The following ZNF404 variants were observed in gnomAD, a reference collection of about 807,000 sequenced individuals.
ZNF404 encodes zinc finger protein 404.
A neutral mutation model predicts 7.3 loss-of-function variants in ZNF404; 7 were observed. The observed-to-expected ratio is 0.95, with a 90% CI of 0.54 to 1.79. The LOEUF is 1.79. Among genes scored for constraint, ZNF404 ranks in the 40% most tolerant of loss-of-function variants. ZNF404 has a pLI of 0.00. For synonymous variants in ZNF404, 191 were observed against 209.9 expected (o/e 0.91, Z 0.78); for missense variants, 560 against 661.5 (o/e 0.85, Z 1.68).
In ZNF404 at chr19:43,872,808, C is replaced by T. The variant is rs1487572313; in HGVS notation, c.1406G>A (p.Cys469Tyr). ...TIHTGLKPYV[C>Y]KECKKAFRSI... ...ACGAAAGGCCTTCTTACATTCTTTA[C>T]ATACATAGGGTTTCAAACCAGTATG... The change falls in exon 3 of 3, where the codon TGT becomes TAT. Residue 469 changes from cysteine (C) to tyrosine (Y), a missense_variant. Physicochemically the swap from Cys to Tyr is radical, Grantham distance 194. Coordinates refer to ENST00000587539, the MANE Select transcript of ZNF404 (RefSeq NM_001033719.3). The surrounding 1 kb of genome is among the most constrained non-coding windows in gnomAD (Gnocchi z 4.4). 3 of 1,610,466 alleles carry T rather than the reference C, an allele frequency of 1.9e-6. No homozygotes were observed. The highest frequency in any genetic ancestry group is 1.1e-5 in the South Asian group (1 of 90,742).
In ZNF404 at chr19:43,872,647, G is replaced by T; in HGVS notation, c.1567C>A (p.Gln523Lys). ...GCCTTACCACATTCTTTGCATTTCT[G>T]TGGTTTCACACCAGTATGAATTGTC... Reference protein sequence around the residue: ...HETIHTGVKPQKCKECGKAFS... With the variant: ...HETIHTGVKPKKCKECGKAFS... Residue 523 changes from glutamine to lysine, a missense_variant, in exon 3 of 3, where the codon CAG (glutamine) becomes AAG (lysine). Transcript: ENST00000587539. This position sits in a 1 kb window ranked among gnomAD's most constrained non-coding sequence, Gnocchi z 4.4. 1 of 1,612,870 alleles carries T rather than the reference G, an allele frequency of 6.2e-7. No homozygotes were observed. Among genetic ancestry groups the T allele is most frequent in the Non-Finnish European group, 8.5e-7 (1 of 1,179,400 alleles).
rs756208693 is a variant in ZNF404, at chr19:43,883,949, A to T, written c.9+7T>A. ...AAGTCAGAAAAGCAAAAGAGACATC[A>T]ACTCACCCGGGCCATGGTTTCAGAA... is the stretch of plus-strand genomic sequence containing the variant. On this transcript the variant is annotated splice_region_variant and intron_variant, in intron 1 of 2. Coordinates refer to ENST00000587539, the MANE Select transcript of ZNF404 (RefSeq NM_001033719.3). 1 of 1,599,308 alleles carries T rather than the reference A, an allele frequency of 6.3e-7. No individual in the cohort carries two copies. The highest frequency in any genetic ancestry group is 2.2e-5 in the East Asian group (1 of 44,848).
chr19:43,876,724 T>G (rs1971852259), intron 2 of ZNF404, among the ~76,000 whole-genome samples: 1 of 152,184 alleles, frequency 6.6e-6, no homozygotes, highest in Admixed American at 6.5e-5. Flanking sequence ...TTAAACAAAT[T>G]TATAAGGTTA....
intron 2 of ZNF404, among the ~76,000 whole-genome samples, chr19:43,875,886 G>T (rs1326259039): frequency 6.6e-6 from 1 of 152,092 alleles, no homozygotes; most frequent in African/African-American, 2.4e-5. Flanking sequence ...AGAATTTCTT[G>T]AAGACAGTGA....
At chr19:43,877,779 T>G (rs1971861415) in intron 2 of ZNF404, among the ~76,000 whole-genome samples, 1 of 138,610 alleles carries the variant, frequency 7.2e-6, no homozygotes, top group Non-Finnish European at 1.5e-5. Context: ...TTCCCCTTCC[T>G]GTGTCCATGT....
intron 2 of ZNF404, among the ~76,000 whole-genome samples, 166 bp from the exon 3 acceptor site, chr19:43,874,243 G>T (rs564516267): frequency 1.3e-5 from 2 of 152,122 alleles, no homozygotes; most frequent in African/African-American, 2.4e-5. Flanking sequence ...GGCAAGAAGG[G>T]CTCAGAAAAT....
intron 2 of ZNF404, among the ~76,000 whole-genome samples, chr19:43,876,766 G>GATT (rs1159766192): frequency 1.3e-5 from 2 of 152,186 alleles, no homozygotes; most frequent in African/African-American, 4.8e-5. Context: ...CTGATATCAT[G>GATT]TATTTCTGAT....
In ZNF404 at chr19:43,872,499, GCAT is replaced by G. The variant is rs1160739998; in HGVS notation, c.*53_*55del. The G allele has an allele frequency of 7.4e-7, 1 of 1,342,898 alleles. No homozygotes were observed. Among genetic ancestry groups the G allele is most frequent in the Admixed American group, 2.7e-5 (1 of 37,092 alleles). 83.2% of individuals were successfully genotyped at this position (1,342,898 alleles called of 1,614,324 possible). ...ATTAACTAGTTTAATCTTCACTATA[GCAT>G]CATAATAGTGACAACAGTAAAAATG... On this transcript the variant is annotated 3_prime_UTR_variant, in exon 3 of 3. Coordinates refer to ENST00000587539, the MANE Select transcript of ZNF404 (RefSeq NM_001033719.3). This position sits in a 1 kb window ranked among gnomAD's most constrained non-coding sequence, Gnocchi z 4.4.
intron 1 of ZNF404, among the ~76,000 whole-genome samples, chr19:43,881,194 T>C (rs955199607): frequency 6.6e-6 from 1 of 152,212 alleles, no homozygotes; most frequent in African/African-American, 2.4e-5. Flanking sequence ...ATATCTACTC[T>C]CACCACTTCT....
Position 43,873,546 on chromosome 19 carries a change from G to T in ZNF404, c.668C>A (p.Ala223Asp), listed in dbSNP as rs749171632. Residue 223 changes from alanine (A) to aspartate (D), a missense_variant, in exon 3 of 3, where the codon GCT becomes GAT. Physicochemically the swap from Ala to Asp is moderately radical, Grantham distance 126 (BLOSUM62 -2). Transcript: ENST00000587539. Reference sequence around the variant, plus strand: ...TGTAAGGTGAGAATGACGTCTAAAAGCCTTCCCGCATTGCTTACATTCATA... The same window carrying T: ...TGTAAGGTGAGAATGACGTCTAAAATCCTTCCCGCATTGCTTACATTCATA... ...KPYECKQCGK[A>D]FRRHSHLTEH... 19 of 1,613,336 alleles carry T rather than the reference G, an allele frequency of 1.2e-5. No homozygotes were observed. The East Asian group carries it at 4.2e-4, about 36-fold the overall frequency.
intron 2 of ZNF404, among the ~76,000 whole-genome samples, chr19:43,878,908 TAAA>T (rs1350096152): frequency 1.8e-4 from 27 of 152,200 alleles, no homozygotes; most frequent in Non-Finnish European, 1.5e-5. Context: ...GAGGAAAACA[TAAA>T]TACCCTCTGG....
At chr19:43,876,561 T>C (rs1345763116) in intron 2 of ZNF404, among the ~76,000 whole-genome samples, 1 of 152,132 alleles carries the variant, frequency 6.6e-6, no homozygotes, top group Non-Finnish European at 1.5e-5. Context: ...ACTGTGCTAA[T>C]ATATTTCAAA....
At chr19:43,881,839 C>T (rs1304521033) in intron 1 of ZNF404, 3 of 152,096 alleles carry the variant, frequency 2.0e-5, no homozygotes, top group South Asian at 4.2e-4. Flanking sequence ...TGCCTGTAAT[C>T]CCAGCTTCTC....
intron 2 of ZNF404, among the ~76,000 whole-genome samples, chr19:43,876,400 CA>C (rs574676703): frequency 1.4e-4 from 22 of 151,884 alleles, no homozygotes; most frequent in Non-Finnish European, 2.8e-4. Flanking sequence ...ATAATACAAG[CA>C]AAATTTAAAT....
In ZNF404 at chr19:43,874,219, T is replaced by G. The variant is rs1214021898; in HGVS notation, c.137-142A>C. On this transcript the variant is annotated intron_variant, in intron 2 of 2. Coordinates refer to ENST00000587539, the MANE Select transcript of ZNF404 (RefSeq NM_001033719.3). Reference sequence around the variant, plus strand: ...TTTAGAAAATTCTAAAGTACTGCCATGCAATTTTTAAAAGGCAAGAAGGGC... The same window carrying G: ...TTTAGAAAATTCTAAAGTACTGCCAGGCAATTTTTAAAAGGCAAGAAGGGC... 2.2e-5 allele frequency: 14 copies of G among 638,448 alleles called. 1 individual carries two copies. In the South Asian group the frequency reaches 3.1e-4, roughly 14 times the overall value. The allele number at this position is 638,448 out of a possible 1,614,324, so 39.5% of individuals were successfully genotyped here. A position where few individuals can be genotyped will look rare whatever the true frequency, so the allele number is the denominator to read the frequency against.
At position 43,873,086 on chromosome 19, in the gene ZNF404, A is replaced by ACCAC; in HGVS notation, c.1127_1128insGTGG (p.Ile376MetfsTer6). ...ATTCATGTGGCTTCTCACCAGTATGAATTCTCTGATGCTGTGTAAGTTGAG... is the reference window on the plus strand; with the variant it reads ...ATTCATGTGGCTTCTCACCAGTATGACCACATTCTCTGATGCTGTGTAAGTTGAG... On this transcript the variant is annotated frameshift_variant, in exon 3 of 3. Coordinates refer to ENST00000587539, the MANE Select transcript of ZNF404 (RefSeq NM_001033719.3). LOFTEE classifies it low-confidence loss of function (END_TRUNC). 6.2e-7 allele frequency: 1 copy of ACCAC among 1,612,920 alleles called. No homozygotes were observed. The highest frequency in any genetic ancestry group is 1.1e-5 in the South Asian group (1 of 91,022).
At chr19:43,874,327 CA>C (rs1971836859) in intron 2 of ZNF404, among the ~76,000 whole-genome samples, 1 of 152,018 alleles carries the variant, frequency 6.6e-6, no homozygotes, top group South Asian at 2.1e-4. Flanking sequence ...TATTTAGTTG[CA>C]AATCAGAATT....
chr19:43,882,425 A>T (rs1276423147), intron 1 of ZNF404, among the ~76,000 whole-genome samples: 1 of 152,212 alleles, frequency 6.6e-6, no homozygotes, highest in Non-Finnish European at 1.5e-5. Context: ...AAAAATCTAC[A>T]TAAGCTTGGG....
Position 43,872,772 on chromosome 19 carries a change from C to G in ZNF404, c.1442G>C (p.Gly481Ala). Residue 481 changes from glycine (G) to alanine (A), a missense_variant, in exon 3 of 3, where the codon GGT becomes GCT. Gly to Ala is a moderately conservative substitution (Grantham distance 60, BLOSUM62 0). Transcript: ENST00000587539. This position sits in a 1 kb window ranked among gnomAD's most constrained non-coding sequence, Gnocchi z 4.4. ...ATGAATTCTCTTATGTTGAGAAAGA[C>G]CTGAGATAGAACGAAAGGCCTTCTT... ...ECKKAFRSIS[G>A]LSQHKRIHTG... The G allele has an allele frequency of 6.2e-7, 1 of 1,611,924 alleles. No homozygotes were observed. The highest frequency in any genetic ancestry group is 1.1e-5 in the South Asian group (1 of 90,888).
Sources: allele counts gnomAD v4.1 joint callset (sites outside exome capture counted in the v4.1 genomes callset), GRCh38; gene constraint gnomAD v4.1.1; non-coding constraint Gnocchi (gnomAD v3.1); transcripts MANE v1.5; gene names NCBI Gene and HGNC (gene_info 2026-07-23, HGNC 2026-07-21).